The following GINM1 variants were observed in gnomAD, a reference collection of about 807,000 sequenced individuals.
GINM1 encodes glycosylated integral membrane protein 1.
GINM1 carries 29 observed loss-of-function variants against 37.8 expected under a neutral mutation model. That is an observed-to-expected ratio of 0.77 (90% CI 0.57 to 1.05). GINM1 has a LOEUF of 1.05. Among genes scored for constraint, GINM1 ranks in the 50% least tolerant of loss-of-function variants. The probability of loss-of-function intolerance (pLI) is 0.00; values close to 1 mark genes in which losing one functional copy is unlikely to be tolerated. For missense variants in GINM1, 377 were observed against 397.9 expected (o/e 0.95, Z 0.45); for synonymous variants, 143 against 146.2 (o/e 0.98, Z 0.16).
rs1582735914 is a variant in GINM1, at chr6:149,579,883, G to A, written c.479G>A (p.Gly160Glu). The A allele has an allele frequency of 1.2e-6, 2 of 1,606,718 alleles. No individual in the cohort carries two copies. The highest frequency in any genetic ancestry group is 1.7e-4 in the Middle Eastern group (1 of 6,040). The change falls in exon 5 of 8, where the codon GGA becomes GAA. Residue 160 changes from glycine (G) to glutamate (E), a missense_variant. Physicochemically the swap from Gly to Glu is moderately conservative, Grantham distance 98. Coordinates refer to ENST00000367419, the MANE Select transcript of GINM1 (RefSeq NM_138785.5). ...ATTGATATTTTAGTTAAGAACCGGGGAGTACTCAGACATTCAAACTATACC... is the reference window on the plus strand; with the variant it reads ...ATTGATATTTTAGTTAAGAACCGGGAAGTACTCAGACATTCAAACTATACC... ...TEIDILVKNR[G>E]VLRHSNYTLP...
intron 1 of GINM1, among the ~76,000 whole-genome samples, chr6:149,567,268 G>A (rs1286813091): frequency 6.6e-6 from 1 of 152,200 alleles, no homozygotes; most frequent in Admixed American, 6.5e-5. Context: ...CTGCCGTAGA[G>A]TCGTGCCTAC....
intron 7 of GINM1, among the ~76,000 whole-genome samples, chr6:149,586,582 A>C (rs969505257): frequency 6.6e-6 from 1 of 152,170 alleles, no homozygotes; most frequent in Non-Finnish European, 1.5e-5. Context: ...CCTCAAGGTA[A>C]TATTACACAT....
intron 1 of GINM1, among the ~76,000 whole-genome samples, chr6:149,569,259 C>G (rs2115054024): frequency 6.6e-6 from 1 of 150,538 alleles, no homozygotes; most frequent in East Asian, 2.0e-4. Context: ...TGGTCTCGAA[C>G]TCCTGACCTC....
intron 1 of GINM1, among the ~76,000 whole-genome samples, chr6:149,569,285 C>G (rs1001181535): frequency 4.6e-5 from 7 of 151,138 alleles, no homozygotes; most frequent in African/African-American, 1.7e-4. Flanking sequence ...ATCCACCCGC[C>G]TCAGCCTTCC....
intron 7 of GINM1, among the ~76,000 whole-genome samples, chr6:149,583,170 T>TA (rs1484745115): frequency 1.3e-5 from 2 of 151,046 alleles, no homozygotes; most frequent in Non-Finnish European, 3.0e-5. Context: ...CTACTAAAAA[T>TA]AAAAAAAAAT....
At chr6:149,572,153 G>T in intron 1 of GINM1, 132 bp from the exon 2 acceptor site, 1 of 441,830 alleles carries the variant, frequency 2.3e-6, no homozygotes. Flanking sequence ...TGGAAAAGAT[G>T]ATCTTTTAAA....
chr6:149,567,036 A>G (rs1266067629), intron 1 of GINM1, among the ~76,000 whole-genome samples: 1 of 152,118 alleles, frequency 6.6e-6, no homozygotes, highest in Non-Finnish European at 1.5e-5. Flanking sequence ...AGAGGGAGAG[A>G]CCTGGCCCTC....
At chr6:149,589,366 G>A (rs922528268) in intron 7 of GINM1, among the ~76,000 whole-genome samples, 6 of 152,128 alleles carry the variant, frequency 3.9e-5, no homozygotes, top group Admixed American at 6.5e-5. Flanking sequence ...TCAACTTCCC[G>A]GGGTCAAGAG....
chr6:149,574,071 T>C lies in GINM1; in HGVS notation c.277+1468T>C, dbSNP rs541186322. 1.7e-3 allele frequency among the ~76,000 whole-genome samples: 244 copies of C among 142,054 alleles called. 2 individuals are homozygous for C. Among genetic ancestry groups the C allele is most frequent in the Non-Finnish European group, 2.5e-3 (165 of 65,990 alleles). 93.2% of individuals were successfully genotyped at this position (142,054 alleles called of 152,430 possible). ...GATTTTTTTTTTTTTTTTTTTGAGA[T>C]GGAGTTTTTGCTCTTGTTGTCCAGG... is the stretch of plus-strand genomic sequence containing the variant. On this transcript the variant is annotated intron_variant, in intron 3 of 7. Transcript: ENST00000367419.
At chr6:149,571,482 T>C (rs1282933031) in intron 1 of GINM1, among the ~76,000 whole-genome samples, 1 of 152,084 alleles carries the variant, frequency 6.6e-6, no homozygotes, top group South Asian at 2.1e-4. Context: ...TACGGAAGAA[T>C]ACATGTGTAC....
At chr6:149,583,323 C>T (rs994819432) in intron 7 of GINM1, among the ~76,000 whole-genome samples, 18 of 152,168 alleles carry the variant, frequency 1.2e-4, no homozygotes, top group Admixed American at 3.9e-4. Context: ...ATTAGCCAGC[C>T]GTGGTGGCAG....
At chr6:149,574,485 C>T (rs943973190) in intron 3 of GINM1, among the ~76,000 whole-genome samples, 1 of 152,186 alleles carries the variant, frequency 6.6e-6, no homozygotes, top group African/African-American at 2.4e-5. Context: ...GTTTCTTTTT[C>T]TTCCCCCTTT....
At chr6:149,589,096 G>C (rs1206602613) in intron 7 of GINM1, among the ~76,000 whole-genome samples, 1 of 149,024 alleles carries the variant, frequency 6.7e-6, no homozygotes, top group Non-Finnish European at 1.5e-5. Flanking sequence ...GAGCCACCGT[G>C]CCCAGCCATT....
intron 3 of GINM1, among the ~76,000 whole-genome samples, chr6:149,575,810 G>T (rs1777905668): frequency 6.6e-6 from 1 of 152,138 alleles, no homozygotes; most frequent in Non-Finnish European, 1.5e-5. Flanking sequence ...TATTCACTGG[G>T]AATTGGACGT....
At chr6:149,571,849 G>A (rs1309469723) in intron 1 of GINM1, among the ~76,000 whole-genome samples, 1 of 152,088 alleles carries the variant, frequency 6.6e-6, no homozygotes, top group African/African-American at 2.4e-5. Flanking sequence ...TTGGGAGGCC[G>A]AGGAGGGCGG....
Position 149,572,565 on chromosome 6 carries a change from A to G in GINM1, c.239A>G (p.Asn80Ser). 6 of 1,606,000 alleles carry G rather than the reference A, an allele frequency of 3.7e-6. No individual in the cohort carries two copies. Among genetic ancestry groups the G allele is most frequent in the Non-Finnish European group, 4.3e-6 (5 of 1,173,458 alleles). ...GQVYVNDLPV[N>S]SGVTRISCQT... ...GTGTATGTAAATGACTTACCTGTAA[A>G]TAGTGGTGTAACCCGAATAAGCTGT... Residue 80 changes from asparagine (N) to serine (S), a missense_variant, in exon 3 of 8, where the codon AAT becomes AGT. By Grantham distance (46) the Asn-to-Ser change is conservative. Coordinates refer to ENST00000367419, the MANE Select transcript of GINM1 (RefSeq NM_138785.5).
chr6:149,572,227 CGTT>C (rs1272631667), intron 1 of GINM1, 55 bp from the exon 2 acceptor site: 25 of 966,464 alleles, frequency 2.6e-5, no homozygotes, highest in Middle Eastern at 2.2e-4. Context: ...GAGAAAGCCA[CGTT>C]GTTCTCAATC....
chr6:149,567,781 A>G (rs1266657858), intron 1 of GINM1, among the ~76,000 whole-genome samples: 1 of 152,216 alleles, frequency 6.6e-6, no homozygotes, highest in African/African-American at 2.4e-5. Context: ...AGAACCACCT[A>G]TATCTGAAAT....
At chr6:149,579,088 G>A in intron 4 of GINM1, 115 bp downstream of exon 4, 1 of 551,566 alleles carries the variant, frequency 1.8e-6, no homozygotes, top group Non-Finnish European at 3.1e-6. Flanking sequence ...GGTGCCTAAT[G>A]TTGCCTATAT....
Sources: gnomAD v4.1 joint callset for allele counts (sites outside exome capture counted in the v4.1 genomes callset) on GRCh38, gnomAD v4.1.1 for gene constraint, MANE v1.5 for transcripts, NCBI Gene and HGNC (gene_info 2026-07-23, HGNC 2026-07-21) for gene names.